PTPRT: variants seen among roughly 807,000 people sequenced by gnomAD.
PTPRT encodes protein tyrosine phosphatase receptor type T.
A neutral mutation model predicts 176.8 loss-of-function variants in PTPRT; 56 were observed. That is an observed-to-expected ratio of 0.32 (90% CI 0.26 to 0.40). The LOEUF is 0.40. Ranked by LOEUF, PTPRT falls within the 10% of genes least tolerant of loss-of-function variation. PTPRT has a pLI of 1.00. For missense variants in PTPRT, 1,540 were observed against 1,908.2 expected (o/e 0.81, Z 3.60); for synonymous variants, 783 against 739.0 (o/e 1.06, Z -0.96).
intron 6 of PTPRT, among the ~76,000 whole-genome samples, chr20:42,710,203 G>C (rs1221448807): frequency 2.0e-5 from 3 of 152,202 alleles, no homozygotes; most frequent in Non-Finnish European, 4.4e-5. Flanking sequence ...GTGGGCTATA[G>C]AGAAACCATT....
At chr20:42,069,676 G>A (rs1020923796), downstream of PTPRT, among the ~76,000 whole-genome samples, 2 of 152,246 alleles carry the variant, frequency 1.3e-5, no homozygotes. Context: ...TTAATATACT[G>A]ATGTTGTTTT....
chr20:42,161,326 A>G, intron 17 of PTPRT, 26 bp downstream of exon 17: 1 of 1,613,368 alleles, frequency 6.2e-7, no homozygotes, highest in Non-Finnish European at 8.5e-7. Context: ...ACTATCAGGA[A>G]GTTTCCCCAC....
At chr20:42,245,409 G>A (rs1228031282) in intron 14 of PTPRT, among the ~76,000 whole-genome samples, 3 of 152,096 alleles carry the variant, frequency 2.0e-5, no homozygotes, top group Non-Finnish European at 4.4e-5. Flanking sequence ...CAAACTATAA[G>A]AGAATCCCAT....
intron 13 of PTPRT, among the ~76,000 whole-genome samples, chr20:42,260,613 T>C (rs1053021472): frequency 7.2e-5 from 11 of 152,134 alleles, no homozygotes; most frequent in Admixed American, 1.3e-4. Context: ...AGGGCAGCAA[T>C]GGGCCAAGGA....
chr20:42,074,993 C>G lies in PTPRT; in HGVS notation c.*5886G>C, dbSNP rs1431142881. On this transcript the variant is annotated 3_prime_UTR_variant, in exon 31 of 31. Coordinates refer to ENST00000373187, the MANE Select transcript of PTPRT (RefSeq NM_007050.6). ...GTGTCAGAAGAAACTGGAGCTAGAA[C>G]AGCTCCCCCCACACTCCACCACTAA... The G allele has an allele frequency of 1.3e-5, 5 of 394,410 alleles. No homozygotes were observed. Among genetic ancestry groups the G allele is most frequent in the African/African-American group, 1.0e-4 (5 of 48,230 alleles). 24.4% of individuals were successfully genotyped at this position (394,410 alleles called of 1,614,324 possible).
chr20:42,790,910 T>C (rs1243469085), intron 3 of PTPRT, among the ~76,000 whole-genome samples: 1 of 152,204 alleles, frequency 6.6e-6, no homozygotes, highest in Admixed American at 6.5e-5. Flanking sequence ...GCACTGACTT[T>C]ATAAAAAGGA....
intron 9 of PTPRT, among the ~76,000 whole-genome samples, chr20:42,420,903 A>G (rs889771571): frequency 3.9e-5 from 6 of 152,182 alleles, no homozygotes; most frequent in African/African-American, 1.4e-4. Flanking sequence ...CAGTAGTTGA[A>G]GCAACCCAGA....
At chr20:42,098,335 C>T (rs977139154) in intron 27 of PTPRT, 86 bp downstream of exon 27, 43 of 1,549,430 alleles carry the variant, frequency 2.8e-5, no homozygotes, top group Admixed American at 1.3e-4. Flanking sequence ...GCAGATGTGG[C>T]AGGCACCGGC....
intron 1 of PTPRT, among the ~76,000 whole-genome samples, chr20:42,962,292 G>C (rs1456511419): frequency 6.6e-6 from 1 of 152,160 alleles, no homozygotes; most frequent in African/African-American, 2.4e-5. Context: ...TTTCCATAGA[G>C]AGTTCAAAGA....
chr20:42,095,670 A>G (rs1985134520), intron 27 of PTPRT, among the ~76,000 whole-genome samples: 1 of 152,178 alleles, frequency 6.6e-6, no homozygotes, highest in Non-Finnish European at 1.5e-5. Flanking sequence ...CTTCTAACTT[A>G]TAATTGAGCA....
At chr20:42,314,346 G>A (rs1233664922) in intron 12 of PTPRT, among the ~76,000 whole-genome samples, 3 of 151,936 alleles carry the variant, frequency 2.0e-5, no homozygotes, top group African/African-American at 7.3e-5. Flanking sequence ...GGCTAACACG[G>A]TAAAACCCCG....
intron 2 of PTPRT, among the ~76,000 whole-genome samples, chr20:42,848,938 T>C (rs1233549665): frequency 3.9e-5 from 6 of 152,242 alleles, no homozygotes; most frequent in Non-Finnish European, 8.8e-5. Flanking sequence ...AGAATTTTTA[T>C]GGTTTCTGAT....
At chr20:42,233,112 C>T (rs567704881) in intron 15 of PTPRT, among the ~76,000 whole-genome samples, 28 of 152,280 alleles carry the variant, frequency 1.8e-4, no homozygotes, top group African/African-American at 6.7e-4. Flanking sequence ...TGGGCCTCAG[C>T]CCCTAGCCCT....
chr20:42,376,981 G>A (rs1161716609), intron 9 of PTPRT, among the ~76,000 whole-genome samples: 6 of 152,144 alleles, frequency 3.9e-5, no homozygotes, highest in Non-Finnish European at 7.3e-5. Context: ...AAGCACACAC[G>A]GGTGATAGTT....
intron 9 of PTPRT, among the ~76,000 whole-genome samples, chr20:42,424,500 G>A (rs940525848): frequency 4.6e-5 from 7 of 152,096 alleles, no homozygotes; most frequent in South Asian, 2.1e-4. Flanking sequence ...GAGGGGGCTC[G>A]CTGTGCCTCA....
At chr20:43,086,484 A>G (rs551346890) in intron 1 of PTPRT, among the ~76,000 whole-genome samples, 39 of 152,362 alleles carry the variant, frequency 2.6e-4, no homozygotes, top group East Asian at 1.5e-3. Context: ...TGACTTTAAC[A>G]TCGACAGCCA....
intron 5 of PTPRT, among the ~76,000 whole-genome samples, chr20:42,770,951 C>G (rs2077053675): frequency 6.6e-6 from 1 of 152,190 alleles, no homozygotes; most frequent in South Asian, 2.1e-4. Context: ...AGATGCAGGG[C>G]ACCATCAGAG....
At chr20:42,801,430 G>A (rs1163657466) in intron 2 of PTPRT, among the ~76,000 whole-genome samples, 1 of 152,120 alleles carries the variant, frequency 6.6e-6, no homozygotes, top group East Asian at 1.9e-4. Flanking sequence ...TCCCCAAGGT[G>A]GTTCCATTCA....
chr20:42,154,363 A>G (rs11086827), intron 17 of PTPRT, among the ~76,000 whole-genome samples: 5 of 152,124 alleles, frequency 3.3e-5, no homozygotes, highest in African/African-American at 1.2e-4. Context: ...CCATCTCTAT[A>G]GTTATACCCC....
Sources: gnomAD v4.1 joint callset for allele counts (sites outside exome capture counted in the v4.1 genomes callset) on GRCh38, gnomAD v4.1.1 for gene constraint, MANE v1.5 for transcripts, NCBI Gene and HGNC (gene_info 2026-07-23, HGNC 2026-07-21) for gene names.